SLC30A8: variants seen among roughly 807,000 people sequenced by gnomAD.
SLC30A8 encodes the protein proton-coupled zinc antiporter SLC30A8.
A neutral mutation model predicts 36.9 loss-of-function variants in SLC30A8; 27 were observed. The observed-to-expected ratio is 0.73, with a 90% CI of 0.54 to 1.01. The LOEUF is 1.01. SLC30A8 is among the 50% of genes least tolerant of loss of function. The probability of loss-of-function intolerance (pLI) is 0.00; values close to 1 mark genes in which losing one functional copy is unlikely to be tolerated. For missense variants in SLC30A8, 439 were observed against 452.0 expected (o/e 0.97, Z 0.26); for synonymous variants, 164 against 172.4 (o/e 0.95, Z 0.38).
intron 1 of SLC30A8, among the ~76,000 whole-genome samples, chr8:116,972,532 C>G (rs1222701696): frequency 7.9e-5 from 12 of 152,200 alleles, no homozygotes; most frequent in Non-Finnish European, 1.5e-5. Flanking sequence ...TCACCTTCAG[C>G]AGACCTAAGC....
intron 1 of SLC30A8, among the ~76,000 whole-genome samples, chr8:117,018,817 G>A (rs1370756866): frequency 6.6e-6 from 1 of 151,888 alleles, no homozygotes; most frequent in African/African-American, 2.4e-5. Flanking sequence ...CTGCCACCAC[G>A]CCTAGCTAAT....
intron 2 of SLC30A8, chr8:117,056,196 A>G (rs1185125419): frequency 6.6e-6 from 1 of 152,222 alleles, no homozygotes; most frequent in East Asian, 1.9e-4. Context: ...AGTATAATTA[A>G]TAATGTCCAG....
chr8:117,068,985 A>C (rs1238849810), intron 2 of SLC30A8, among the ~76,000 whole-genome samples: 1 of 152,052 alleles, frequency 6.6e-6, no homozygotes, highest in Non-Finnish European at 1.5e-5. Flanking sequence ...GATTCACCCA[A>C]AATTCCTCCA....
At chr8:117,120,288 AATAGAG>A (rs1344874815) in intron 2 of SLC30A8, among the ~76,000 whole-genome samples, 2 of 151,992 alleles carry the variant, frequency 1.3e-5, no homozygotes, top group Non-Finnish European at 2.9e-5. Context: ...GATGGAACAG[AATAGAG>A]ATCCCAGAAA....
At chr8:116,968,113 T>C (rs1188168499) in intron 1 of SLC30A8, among the ~76,000 whole-genome samples, 3 of 152,136 alleles carry the variant, frequency 2.0e-5, no homozygotes, top group African/African-American at 7.2e-5. Flanking sequence ...CCTTTGTGGA[T>C]TAGGAAGAAC....
intron 2 of SLC30A8, among the ~76,000 whole-genome samples, chr8:117,041,479 G>A (rs1817385191): frequency 6.6e-6 from 1 of 152,194 alleles, no homozygotes; most frequent in Non-Finnish European, 1.5e-5. Flanking sequence ...CCTGAGGTCA[G>A]GAGTTCGAGA....
At chr8:117,009,189 A>G (rs945263615) in intron 1 of SLC30A8, among the ~76,000 whole-genome samples, 2 of 152,084 alleles carry the variant, frequency 1.3e-5, no homozygotes, top group African/African-American at 2.4e-5. Flanking sequence ...AAGAGTTTCT[A>G]TTTCCTTGGA....
At chr8:117,136,980 A>C (rs767208563) in intron 1 of SLC30A8, among the ~76,000 whole-genome samples, 1 of 152,052 alleles carries the variant, frequency 6.6e-6, no homozygotes, top group Non-Finnish European at 1.5e-5. Context: ...ACCATGTAGG[A>C]AACTGAATGC....
chr8:117,002,147 GT>G (rs1454368754), intron 1 of SLC30A8, among the ~76,000 whole-genome samples: 22 of 152,168 alleles, frequency 1.4e-4, no homozygotes, highest in African/African-American at 4.1e-4. Flanking sequence ...CTAGAAGTTT[GT>G]TTATGGTGTA....
intron 2 of SLC30A8, among the ~76,000 whole-genome samples, chr8:117,051,795 A>G (rs1295419384): frequency 1.3e-5 from 2 of 152,030 alleles, no homozygotes; most frequent in Non-Finnish European, 2.9e-5. Flanking sequence ...CCTGGGCGAC[A>G]GAATGAGACT....
chr8:117,059,890 C>T (rs145750202), intron 2 of SLC30A8, among the ~76,000 whole-genome samples: 2 of 152,060 alleles, frequency 1.3e-5, no homozygotes, highest in East Asian at 1.9e-4. Context: ...TCAATGGGGT[C>T]GTTTTCCCAG....
chr8:117,011,901 A>G (rs1816355686), intron 1 of SLC30A8, among the ~76,000 whole-genome samples: 1 of 152,212 alleles, frequency 6.6e-6, no homozygotes, highest in Non-Finnish European at 1.5e-5. Context: ...GAGTAATGTG[A>G]ATTTTATTAA....
intron 1 of SLC30A8, among the ~76,000 whole-genome samples, chr8:116,997,576 T>C (rs1352071591): frequency 1.3e-5 from 2 of 152,286 alleles, no homozygotes; most frequent in Admixed American, 6.5e-5. Flanking sequence ...TGAAATTTAC[T>C]TACCAAAACC....
At chr8:117,083,540 C>T (rs1818744580) in intron 2 of SLC30A8, among the ~76,000 whole-genome samples, 1 of 152,160 alleles carries the variant, frequency 6.6e-6, no homozygotes, top group African/African-American at 2.4e-5. Context: ...AGTAGTTCAA[C>T]AATTGTCTGC....
At position 117,156,774 on chromosome 8, in the gene SLC30A8, A is replaced by G. The variant is rs980213636; in HGVS notation, c.419-917A>G. 2.4e-4 allele frequency among the ~76,000 whole-genome samples: 36 copies of G among 152,320 alleles called. 2 individuals are homozygous for G. Among genetic ancestry groups the G allele is most frequent in the Admixed American group, 2.4e-3 (36 of 15,304 alleles). On this transcript the variant is annotated intron_variant, in intron 3 of 7. Coordinates refer to ENST00000456015, the MANE Select transcript of SLC30A8 (RefSeq NM_173851.3). ...GGTTAATAAGACAGGTAGCATGTGG[A>G]TTTGGAAAACGTTATGAAGGTTGTC... is the stretch of plus-strand genomic sequence containing the variant.
intron 2 of SLC30A8, among the ~76,000 whole-genome samples, chr8:117,103,694 C>T (rs145229255): frequency 2.0e-4 from 30 of 152,220 alleles, no homozygotes; most frequent in African/African-American, 6.0e-4. Context: ...AGACTGGTCT[C>T]GAACTCCTGG....
chr8:117,095,971 T>TG (rs1819341773), intron 2 of SLC30A8, among the ~76,000 whole-genome samples: 1 of 152,326 alleles, frequency 6.6e-6, no homozygotes, highest in South Asian at 2.1e-4. Context: ...GAGAGTATGA[T>TG]GGGCTGAAGC....
intron 2 of SLC30A8, among the ~76,000 whole-genome samples, chr8:117,042,091 A>G (rs538779735): frequency 6.6e-6 from 1 of 152,202 alleles, no homozygotes; most frequent in Non-Finnish European, 1.5e-5. Context: ...TATCTTCTGT[A>G]TCATTTAGTC....
intron 1 of SLC30A8, among the ~76,000 whole-genome samples, chr8:117,037,353 C>T (rs534164891): frequency 4.6e-5 from 7 of 152,284 alleles, no homozygotes; most frequent in South Asian, 2.1e-4. Flanking sequence ...GCTTTTCTTG[C>T]TCTAGATTAG....
Sources: gnomAD v4.1 joint callset for allele counts (sites outside exome capture counted in the v4.1 genomes callset) on GRCh38, gnomAD v4.1.1 for gene constraint, MANE v1.5 for transcripts, NCBI Gene and HGNC (gene_info 2026-07-23, HGNC 2026-07-21) for gene names.